CELF5: variants seen among roughly 807,000 people sequenced by gnomAD.
The protein encoded by CELF5 is CUG-BP and ETR-3 like factor 5.
CELF5 carries 6 observed loss-of-function variants against 54.9 expected under a neutral mutation model. The observed-to-expected ratio is 0.11, with a 90% confidence interval of 0.06 to 0.22. The LOEUF (loss-of-function observed/expected upper bound fraction) is 0.22, where lower values mean the gene tolerates loss of function less well. Ranked by LOEUF, CELF5 falls within the 10% of genes least tolerant of loss-of-function variation. The probability of loss-of-function intolerance (pLI) is 1.00; values close to 1 mark genes in which losing one functional copy is unlikely to be tolerated. For synonymous variants in CELF5, 271 were observed against 290.9 expected (o/e 0.93, Z 0.70); for missense variants, 401 against 678.6 (o/e 0.59, Z 4.54).
At chr19:3,259,132 G>T (rs1391782792) in intron 2 of CELF5, among the ~76,000 whole-genome samples, 2 of 152,154 alleles carry the variant, frequency 1.3e-5, no homozygotes, top group Non-Finnish European at 2.9e-5. Flanking sequence ...TGGAGATGGG[G>T]GTGAGTGGGG....
chr19:3,227,794 C>G (rs190320378), intron 1 of CELF5, among the ~76,000 whole-genome samples: 1 of 152,228 alleles, frequency 6.6e-6, no homozygotes, highest in East Asian at 1.9e-4. Flanking sequence ...CCCCCATTAC[C>G]CCCCCTGCCT....
intron 10 of CELF5, among the ~76,000 whole-genome samples, chr19:3,286,984 G>A (rs368929441): frequency 5.0e-5 from 7 of 139,230 alleles, no homozygotes; most frequent in Admixed American, 1.5e-4. Flanking sequence ...GCAGTGAGCC[G>A]AGATCGCACC....
At position 3,275,397 on chromosome 19, in the gene CELF5, G is replaced by A. The variant is rs2080030889; in HGVS notation, c.395-459G>A. 6.6e-6 allele frequency among the ~76,000 whole-genome samples: 1 copy of A among 152,244 alleles called. No individual in the cohort carries two copies. Among genetic ancestry groups the A allele is most frequent in the Non-Finnish European group, 1.5e-5 (1 of 68,044 alleles). On this transcript the variant is annotated intron_variant, in intron 3 of 12. Coordinates refer to ENST00000292672, the MANE Select transcript of CELF5 (RefSeq NM_021938.4). The surrounding 1 kb of genome is among the most constrained non-coding windows in gnomAD (Gnocchi z 6.7). ...CCTCTGCTGGGCACCGTGAAAGTGC[G>A]GGGACCATCAGTGCCCACCTCCGCC...
intron 1 of CELF5, among the ~76,000 whole-genome samples, chr19:3,244,696 G>A (rs1174736642): frequency 6.7e-6 from 1 of 149,284 alleles, no homozygotes; most frequent in Admixed American, 6.7e-5. Context: ...GTAGTGTGTG[G>A]TGTGTATGCA....
intron 2 of CELF5, 136 bp downstream of exon 2, chr19:3,251,203 G>A (rs909594291): frequency 4.7e-5 from 31 of 654,960 alleles, no homozygotes; most frequent in Middle Eastern, 3.0e-4. Context: ...AGGAGCAGAG[G>A]TATAGAAATC....
intron 10 of CELF5, among the ~76,000 whole-genome samples, chr19:3,289,091 T>C (rs1471400895): frequency 6.6e-6 from 1 of 152,166 alleles, no homozygotes; most frequent in African/African-American, 2.4e-5. Context: ...ATGGTTGGTA[T>C]ATTATGTTGT....
chr19:3,293,450 C>T lies in CELF5; in HGVS notation c.*4C>T, dbSNP rs201668469. 6.9e-5 allele frequency: 111 copies of T among 1,613,820 alleles called. No individual in the cohort carries two copies. In the African/African-American group the frequency reaches 1.2e-3, roughly 17 times the overall value. ...AGACCCGGGACACCCCTACTGACCG[C>T]GCCCACAGCCGCCCTGAGGCTGTAG... On this transcript the variant is annotated 3_prime_UTR_variant, in exon 12 of 13. Coordinates refer to ENST00000292672, the MANE Select transcript of CELF5 (RefSeq NM_021938.4).
intron 1 of CELF5, among the ~76,000 whole-genome samples, chr19:3,233,309 T>G (rs1917358841): frequency 6.6e-6 from 1 of 152,098 alleles, no homozygotes; most frequent in Admixed American, 6.6e-5. Context: ...GGCAACAACT[T>G]TATTAAGTCT....
intron 10 of CELF5, 29 bp downstream of exon 10, chr19:3,286,054 C>G (rs1456077570): frequency 1.1e-5 from 16 of 1,508,428 alleles, no homozygotes; most frequent in Non-Finnish European, 1.3e-5. Context: ...CCCCTGGGCG[C>G]CAGCCCCGCC....
At chr19:3,230,708 ACCAGCCTCTTC>A (rs1433706434) in intron 1 of CELF5, among the ~76,000 whole-genome samples, 1 of 152,204 alleles carries the variant, frequency 6.6e-6, no homozygotes, top group African/African-American at 2.4e-5. Flanking sequence ...CATTGCCACC[ACCAGCCTCTTC>A]CCAGCCTCCC....
In CELF5 at chr19:3,253,109, A is replaced by G. The variant is rs536833773; in HGVS notation, c.342+2042A>G. Among the ~76,000 whole-genome samples, 232 of 152,092 alleles carry G rather than the reference A, an allele frequency of 1.5e-3. 2 individuals are homozygous for G. The East Asian group carries it at 0.039, about 26-fold the overall frequency. ...AAGCTAAAAAAGTACATTAAAAAAA[A>G]AAAGAAAGAAAGAAATCCCACAACC... On this transcript the variant is annotated intron_variant, in intron 2 of 12. Coordinates refer to ENST00000292672, the MANE Select transcript of CELF5 (RefSeq NM_021938.4).
intron 1 of CELF5, among the ~76,000 whole-genome samples, chr19:3,245,180 G>C (rs940061269): frequency 6.9e-6 from 1 of 145,450 alleles, no homozygotes; most frequent in Non-Finnish European, 1.5e-5. Flanking sequence ...GTGTCTTTGC[G>C]TGTGTGTGTG....
At chr19:3,225,049 C>A in intron 1 of CELF5, 51 bp downstream of exon 1, 1 of 1,264,646 alleles carries the variant, frequency 7.9e-7, no homozygotes, top group South Asian at 1.5e-5. Flanking sequence ...CCTCCCACCC[C>A]ACCTTCCGGC....
intron 2 of CELF5, among the ~76,000 whole-genome samples, chr19:3,262,640 G>C (rs533385648): frequency 5.9e-5 from 9 of 152,170 alleles, no homozygotes; most frequent in African/African-American, 2.2e-4. Flanking sequence ...TAAAGCAAGA[G>C]AAAGGCAAGA....
At chr19:3,250,878 T>TTC in intron 1 of CELF5, 107 bp from the exon 2 acceptor site, 1 of 620,260 alleles carries the variant, frequency 1.6e-6, no homozygotes. Flanking sequence ...TATGCATCTG[T>TTC]GGATGGAAGC....
Position 3,228,751 on chromosome 19 carries a change from C to T in CELF5, c.259+3753C>T, listed in dbSNP as rs952139341. 6.6e-6 allele frequency among the ~76,000 whole-genome samples: 1 copy of T among 150,936 alleles called. No individual in the cohort carries two copies. Among genetic ancestry groups the T allele is most frequent in the Non-Finnish European group, 1.5e-5 (1 of 67,800 alleles). On this transcript the variant is annotated intron_variant, in intron 1 of 12. Transcript: ENST00000292672. The surrounding 1 kb of genome is among the most constrained non-coding windows in gnomAD (Gnocchi z 6.0). ...CTGAGGCGTGAGATTCCGCGTGTGA[C>T]GCACCAGCTCCAGGGAGAAGGCGGG... is the stretch of plus-strand genomic sequence containing the variant.
Position 3,293,461 on chromosome 19 carries a change from G to A in CELF5, c.*15G>A, listed in dbSNP as rs371522681. ...ACCCCTACTGACCGCGCCCACAGCC[G>A]CCCTGAGGCTGTAGGCATGGCCCAG... On this transcript the variant is annotated 3_prime_UTR_variant, in exon 12 of 13. Coordinates refer to ENST00000292672, the MANE Select transcript of CELF5 (RefSeq NM_021938.4). 13 of 1,613,346 alleles carry A rather than the reference G, an allele frequency of 8.1e-6. No individual in the cohort carries two copies. The highest frequency in any genetic ancestry group is 4.4e-5 in the South Asian group (4 of 91,042).
At chr19:3,271,758 T>G (rs2079969073) in intron 2 of CELF5, among the ~76,000 whole-genome samples, 2 of 150,228 alleles carry the variant, frequency 1.3e-5, no homozygotes, top group South Asian at 4.2e-4. Flanking sequence ...AGGAGGGGAG[T>G]GCAAAATAAG....
chr19:3,258,884 T>C (rs28729385), intron 2 of CELF5, among the ~76,000 whole-genome samples: 21,364 of 152,126 alleles, frequency 0.14, 1,649 homozygotes, highest in African/African-American at 0.21. Flanking sequence ...GCGCTGAGAT[T>C]ACAGACGTGA....
Sources: allele counts gnomAD v4.1 joint callset (sites outside exome capture counted in the v4.1 genomes callset), GRCh38; gene constraint gnomAD v4.1.1; non-coding constraint Gnocchi (gnomAD v3.1); transcripts MANE v1.5; gene names NCBI Gene and HGNC (gene_info 2026-07-23, HGNC 2026-07-21).